The following SERAC1 variants were observed in gnomAD, a reference collection of about 807,000 sequenced individuals.
SERAC1 encodes the protein protein SERAC1.
A neutral mutation model predicts 85.7 loss-of-function variants in SERAC1; 36 were observed. The ratio of observed to expected loss-of-function variants is 0.42; its 90% CI spans 0.32 to 0.55. The LOEUF (loss-of-function observed/expected upper bound fraction) is 0.55. SERAC1 is among the 20% of genes least tolerant of loss of function. The probability of loss-of-function intolerance (pLI) is 0.11; values close to 1 mark genes in which losing one functional copy is unlikely to be tolerated. For missense variants in SERAC1, 629 were observed against 796.2 expected (o/e 0.79, Z 2.53); for synonymous variants, 242 against 265.3 (o/e 0.91, Z 0.85).
At chr6:158,140,927 GT>G (rs905564789) in intron 8 of SERAC1, among the ~76,000 whole-genome samples, 3 of 151,562 alleles carry the variant, frequency 2.0e-5, no homozygotes, top group African/African-American at 4.8e-5. Flanking sequence ...GTACAGTACA[GT>G]TTTTTTTTCC....
chr6:158,155,730 C>G (rs989528013), intron 2 of SERAC1, among the ~76,000 whole-genome samples: 1 of 152,178 alleles, frequency 6.6e-6, no homozygotes, highest in Non-Finnish European at 1.5e-5. Context: ...GAAGCATTGT[C>G]CCTATCACTA....
chr6:158,133,816 A>G (rs923722235), intron 8 of SERAC1, among the ~76,000 whole-genome samples: 7 of 152,306 alleles, frequency 4.6e-5, no homozygotes, highest in African/African-American at 1.7e-4. Context: ...TATGGGGTAG[A>G]TAGAATTCAA....
Position 158,111,465 on chromosome 6 carries a change from G to T in SERAC1, c.1866C>A (p.Asn622Lys), listed in dbSNP as rs1784142759. Residue 622 changes from asparagine (N) to lysine (K), a missense_variant, in exon 17 of 17, where the codon AAC (asparagine) becomes AAA (lysine). By Grantham distance (94) the Asn-to-Lys change is moderately conservative. Coordinates refer to ENST00000647468, the MANE Select transcript of SERAC1 (RefSeq NM_032861.4). The stretch of plus-strand genomic sequence containing the variant: ...TCTTTGGCTTACAAATGTTCAAATG[G>T]TTAACATCCACAGGAATTAGATCTC... ...GIGDLIPVDV[N>K]HLNICKPKKK... 6.2e-7 allele frequency: 1 copy of T among 1,609,124 alleles called. No individual in the cohort carries two copies. Among genetic ancestry groups the T allele is most frequent in the Non-Finnish European group, 8.5e-7 (1 of 1,178,090 alleles).
In SERAC1 at chr6:158,119,822, C is replaced by T. The variant is rs1784377970; in HGVS notation, c.1166+603G>A. On this transcript the variant is annotated intron_variant, in intron 11 of 16. Transcript: ENST00000647468. This position sits in a 1 kb window ranked among gnomAD's most constrained non-coding sequence, Gnocchi z 4.5. ...TTTCTGAGGTACTTTTTGTAAAGTG[C>T]CCTAAGAAAACCAAGAAATATGTTA... Among the ~76,000 whole-genome samples the T allele has an allele frequency of 6.6e-6, 1 of 151,988 alleles. No homozygotes were observed. Among genetic ancestry groups the T allele is most frequent in the African/African-American group, 2.4e-5 (1 of 41,362 alleles).
chr6:158,157,226 AC>A (rs1785374912), intron 2 of SERAC1, among the ~76,000 whole-genome samples: 1 of 151,842 alleles, frequency 6.6e-6, no homozygotes, highest in Non-Finnish European at 1.5e-5. Context: ...TGAACTCCTG[AC>A]TTCAAGTGAT....
In SERAC1 at chr6:158,124,689, C is replaced by T. The variant is rs544262837; in HGVS notation, c.1015+3419G>A. 1.8e-3 allele frequency among the ~76,000 whole-genome samples: 275 copies of T among 151,460 alleles called. 2 individuals are homozygous for T. Among genetic ancestry groups the T allele is most frequent in the African/African-American group, 6.2e-3 (255 of 41,262 alleles). ...GAACAAAAGTGGGAATTCAAAGAGA[C>T]TTCTCATCAGACAATGGACTCCAGA... is the stretch of plus-strand genomic sequence containing the variant. On this transcript the variant is annotated intron_variant, in intron 10 of 16. Transcript: ENST00000647468.
chr6:158,147,841 A>G (rs1785109298), intron 5 of SERAC1, among the ~76,000 whole-genome samples: 5 of 145,498 alleles, frequency 3.4e-5, no homozygotes, highest in African/African-American at 1.3e-4. Context: ...AATAACTGTT[A>G]TTATTTTACC....
chr6:158,149,230 G>A (rs1041448955), intron 4 of SERAC1, among the ~76,000 whole-genome samples: 2 of 152,148 alleles, frequency 1.3e-5, no homozygotes, highest in African/African-American at 4.8e-5. Context: ...CTGACCTCAT[G>A]ATCCGCCCTC....
Position 158,117,854 on chromosome 6 carries a change from A to G in SERAC1, c.1309-33T>C, listed in dbSNP as rs762354540. The G allele has an allele frequency of 2.6e-6, 4 of 1,550,852 alleles. No homozygotes were observed. The Admixed American group carries it at 5.1e-5, about 20-fold the overall frequency. On this transcript the variant is annotated intron_variant, in intron 12 of 16. Coordinates refer to ENST00000647468, the MANE Select transcript of SERAC1 (RefSeq NM_032861.4). The surrounding 1 kb of genome is among the most constrained non-coding windows in gnomAD (Gnocchi z 4.3). ...AAATAAAACATATGTGAGAACAAGT[A>G]TGAATCTTCACCACTGCAATTACTG...
intron 12 of SERAC1, 89 bp downstream of exon 12, chr6:158,118,940 C>T: frequency 6.7e-7 from 1 of 1,494,060 alleles, no homozygotes; most frequent in Non-Finnish European, 9.0e-7. Flanking sequence ...AAAAAAATCC[C>T]AGAACAAAGA....
intron 8 of SERAC1, among the ~76,000 whole-genome samples, chr6:158,132,405 G>A (rs827676): frequency 0.53 from 80,627 of 151,938 alleles, 21,736 homozygotes; most frequent in African/African-American, 0.61. Context: ...TGAGGACTGA[G>A]ATGGGGCTAA....
chr6:158,130,762 CT>C (rs1272408919), intron 8 of SERAC1, among the ~76,000 whole-genome samples: 2 of 152,158 alleles, frequency 1.3e-5, no homozygotes, highest in Non-Finnish European at 2.9e-5. Flanking sequence ...ACTCACAATT[CT>C]TTTAACAAGT....
chr6:158,157,473 A>C (rs1311528411), intron 2 of SERAC1, among the ~76,000 whole-genome samples: 1 of 152,124 alleles, frequency 6.6e-6, no homozygotes, highest in Non-Finnish European at 1.5e-5. Flanking sequence ...TCAAAAAGAA[A>C]CTCCATGAGG....
chr6:158,125,520 A>G (rs1375503733), intron 10 of SERAC1, among the ~76,000 whole-genome samples: 1 of 152,102 alleles, frequency 6.6e-6, no homozygotes, highest in African/African-American at 2.4e-5. Context: ...CCTCCAACAT[A>G]CAGCCTCAGG....
chr6:158,120,701 G>T lies in SERAC1; in HGVS notation c.1016-126C>A. ...TTGCGTGTCTGTCCTTGGCGGAGAA[G>T]TCCGACTATTCCAACCCCATTCTGC... On this transcript the variant is annotated intron_variant, in intron 10 of 16. Coordinates refer to ENST00000647468, the MANE Select transcript of SERAC1 (RefSeq NM_032861.4). This position sits in a 1 kb window ranked among gnomAD's most constrained non-coding sequence, Gnocchi z 4.4. The T allele has an allele frequency of 9.8e-7, 1 of 1,025,370 alleles. No individual in the cohort carries two copies. The highest frequency in any genetic ancestry group is 1.4e-6 in the Non-Finnish European group (1 of 721,190). 63.5% of individuals were successfully genotyped at this position (1,025,370 alleles called of 1,614,324 possible).
intron 2 of SERAC1, among the ~76,000 whole-genome samples, chr6:158,156,859 AATATTAATATATTTATATAG>A (rs796110300): frequency 0.12 from 13,401 of 115,160 alleles, 1,679 homozygotes; most frequent in East Asian, 0.17. Context: ...ATATATAATA[AATATTAATATATTTATATAG>A]ATATTAATAT....
chr6:158,113,104 T>A (rs1178520716), intron 16 of SERAC1: 2 of 321,888 alleles, frequency 6.2e-6, no homozygotes, highest in African/African-American at 2.1e-5. Context: ...GGGTTCTGCA[T>A]GTAAATATAA....
chr6:158,154,912 C>T (rs1164105132), intron 3 of SERAC1, among the ~76,000 whole-genome samples: 1 of 151,522 alleles, frequency 6.6e-6, no homozygotes, highest in Non-Finnish European at 1.5e-5. Context: ...TGAGTGAGTG[C>T]CTGATTTAAG....
intron 3 of SERAC1, among the ~76,000 whole-genome samples, chr6:158,152,207 T>C (rs1374307126): frequency 6.6e-6 from 1 of 152,160 alleles, no homozygotes; most frequent in African/African-American, 2.4e-5. Flanking sequence ...ACAGTGAGAC[T>C]CTGCCTTTAA....
Sources: gnomAD v4.1 joint callset for allele counts (sites outside exome capture counted in the v4.1 genomes callset) on GRCh38, gnomAD v4.1.1 for gene constraint, Gnocchi (gnomAD v3.1) non-coding constraint, MANE v1.5 for transcripts, NCBI Gene and HGNC (gene_info 2026-07-23, HGNC 2026-07-21) for gene names.